Variants in LMO7 observed in about 807,000 individuals in gnomAD.
LMO7 encodes LIM domain only protein 7.
In LMO7, 120 loss-of-function variants were observed where a neutral mutation model predicts 206.5. That is an observed-to-expected ratio of 0.58 (90% CI 0.50 to 0.68). LMO7 has a LOEUF of 0.68. Ranked by LOEUF, LMO7 falls within the 30% of genes least tolerant of loss-of-function variation. The probability of loss-of-function intolerance (pLI) is 0.00; values close to 1 mark genes in which losing one functional copy is unlikely to be tolerated. For synonymous variants in LMO7, 706 were observed against 681.5 expected (o/e 1.04, Z -0.56); for missense variants, 1,959 against 1,957.9 (o/e 1.00, Z -0.01).
At chr13:75,759,419 G>A (rs1313120937) in intron 3 of LMO7, among the ~76,000 whole-genome samples, 1 of 152,088 alleles carries the variant, frequency 6.6e-6, no homozygotes, top group Non-Finnish European at 1.5e-5. Flanking sequence ...TAGAAACTAT[G>A]GGCCTAACAA....
intron 4 of LMO7, among the ~76,000 whole-genome samples, chr13:75,766,083 T>C (rs547371098): frequency 1.0e-3 from 158 of 152,304 alleles, no homozygotes; most frequent in African/African-American, 3.6e-3. Flanking sequence ...TCAGTTAGCA[T>C]TTGTTTTACA....
intron 2 of LMO7, among the ~76,000 whole-genome samples, chr13:75,629,930 T>C (rs539104197): frequency 7.4e-4 from 113 of 152,298 alleles, no homozygotes; most frequent in African/African-American, 2.6e-3. Context: ...GGTTGTGGGA[T>C]GAGGTAGAAG....
chr13:75,836,511 C>A, intron 19 of LMO7, 54 bp downstream of exon 19: 1 of 899,238 alleles, frequency 1.1e-6, no homozygotes, highest in African/African-American at 1.8e-5. Context: ...ACATAGCACT[C>A]AAGTTCTGCT....
intron 20 of LMO7, 98 bp downstream of exon 20, chr13:75,838,294 A>C: frequency 1.3e-6 from 2 of 1,546,164 alleles, no homozygotes; most frequent in Non-Finnish European, 8.8e-7. Context: ...AGCCTCTTCA[A>C]TTTGTCTGTC....
At chr13:75,748,057 C>T (rs2046991896) in intron 3 of LMO7, among the ~76,000 whole-genome samples, 1 of 152,104 alleles carries the variant, frequency 6.6e-6, no homozygotes, top group Non-Finnish European at 1.5e-5. Flanking sequence ...AGGCTGCTGA[C>T]TTTGAAGACG....
chr13:75,694,068 G>A (rs887930181), intron 1 of LMO7, among the ~76,000 whole-genome samples: 3 of 152,116 alleles, frequency 2.0e-5, no homozygotes, highest in Admixed American at 2.0e-4. Flanking sequence ...TACAGTGGGA[G>A]AATACAGAAA....
chr13:75,813,218 A>G (rs1487504686), intron 11 of LMO7, among the ~76,000 whole-genome samples: 4 of 152,234 alleles, frequency 2.6e-5, no homozygotes, highest in African/African-American at 9.6e-5. Flanking sequence ...TTCCTCTACT[A>G]CAAAAGTTCT....
At chr13:75,795,094 C>A (rs1251509829) in intron 4 of LMO7, among the ~76,000 whole-genome samples, 1 of 151,778 alleles carries the variant, frequency 6.6e-6, no homozygotes, top group Non-Finnish European at 1.5e-5. Flanking sequence ...ACAAAAAATG[C>A]ACATAATGTA....
chr13:75,780,010 C>A (rs1034446060), intron 4 of LMO7, among the ~76,000 whole-genome samples: 1 of 152,024 alleles, frequency 6.6e-6, no homozygotes, highest in African/African-American at 2.4e-5. Context: ...TTATGGATTT[C>A]AAAAGGGGAG....
intron 2 of LMO7, among the ~76,000 whole-genome samples, chr13:75,723,471 A>G (rs937326154): frequency 6.6e-6 from 1 of 152,182 alleles, no homozygotes; most frequent in Non-Finnish European, 1.5e-5. Context: ...AGGTGTCCAT[A>G]AATTTTGTAC....
At chr13:75,742,155 A>C (rs2046467852) in intron 3 of LMO7, among the ~76,000 whole-genome samples, 1 of 152,234 alleles carries the variant, frequency 6.6e-6, no homozygotes, top group East Asian at 1.9e-4. Context: ...ATACGTAGGA[A>C]TACAGCTAAC....
At chr13:75,694,390 G>A (rs1228343003) in intron 1 of LMO7, among the ~76,000 whole-genome samples, 2 of 152,222 alleles carry the variant, frequency 1.3e-5, no homozygotes, top group African/African-American at 4.8e-5. Context: ...AAGGTAGGTA[G>A]GAAGGCCTCA....
intron 1 of LMO7, among the ~76,000 whole-genome samples, chr13:75,656,504 A>G (rs2038074055): frequency 6.6e-6 from 1 of 152,208 alleles, no homozygotes; most frequent in African/African-American, 2.4e-5. Flanking sequence ...TTGTTTCTAC[A>G]TTTAAAAACC....
chr13:75,712,124 G>T (rs1170367147), intron 1 of LMO7, among the ~76,000 whole-genome samples: 1 of 152,236 alleles, frequency 6.6e-6, no homozygotes, highest in Admixed American at 6.5e-5. Context: ...TAGGGGGACC[G>T]TGAAGCTGGC....
intron 3 of LMO7, among the ~76,000 whole-genome samples, chr13:75,746,489 G>A (rs892802230): frequency 1.4e-4 from 22 of 152,234 alleles, no homozygotes; most frequent in Middle Eastern, 3.4e-3. Context: ...AATGGCCTGC[G>A]GGTGGGTTTT....
chr13:75,731,846 A>T (rs1309650547), intron 3 of LMO7, among the ~76,000 whole-genome samples: 1 of 151,578 alleles, frequency 6.6e-6, no homozygotes, highest in South Asian at 2.1e-4. Flanking sequence ...ATCTCTCAGC[A>T]TTTGCTTGTC....
At chr13:75,815,847 T>C (rs1224946644) in intron 11 of LMO7, among the ~76,000 whole-genome samples, 1 of 152,070 alleles carries the variant, frequency 6.6e-6, no homozygotes, top group Non-Finnish European at 1.5e-5. Flanking sequence ...GAAAAGTGGT[T>C]GTTAGGTTTC....
At chr13:75,729,423 CTGTT>C (rs1471501826) in intron 3 of LMO7, among the ~76,000 whole-genome samples, 1 of 143,630 alleles carries the variant, frequency 7.0e-6, no homozygotes, top group African/African-American at 2.6e-5. Flanking sequence ...ATTTGGCTCT[CTGTT>C]TGTCTGTTAT....
intron 2 of LMO7, among the ~76,000 whole-genome samples, chr13:75,714,544 C>T (rs530926313): frequency 5.9e-5 from 9 of 152,164 alleles, no homozygotes; most frequent in East Asian, 1.9e-4. Context: ...GTGTCAATTT[C>T]GTGTGGTTTC....
Sources: allele counts gnomAD v4.1 joint callset (sites outside exome capture counted in the v4.1 genomes callset), GRCh38; gene constraint gnomAD v4.1.1; transcripts MANE v1.5; gene names NCBI Gene and HGNC (gene_info 2026-07-23, HGNC 2026-07-21).